The following ZC3H11C variants were observed in gnomAD, a reference collection of about 807,000 sequenced individuals.
The protein encoded by ZC3H11C is zinc finger CCCH domain-containing protein 11C.
the ZC3H11C span, among the ~76,000 whole-genome samples, chr6:65,305,458 G>T: frequency 6.6e-6 from 1 of 152,182 alleles, no homozygotes. Context: ...TCTTTTTAAA[G>T]GTATTTAGAG....
At chr6:65,306,344 G>C in the ZC3H11C span, among the ~76,000 whole-genome samples, 1 of 152,206 alleles carries the variant, frequency 6.6e-6, no homozygotes, top group Admixed American at 6.5e-5. Context: ...GGATGATTCT[G>C]CACAAGCAAA....
chr6:65,305,512 G>GAGC, the ZC3H11C span, among the ~76,000 whole-genome samples: 2 of 152,212 alleles, frequency 1.3e-5, no homozygotes, highest in African/African-American at 2.4e-5. Context: ...CAGGAAGCCT[G>GAGC]TAATGTGGGC....
At chr6:65,305,679 T>C in the ZC3H11C span, among the ~76,000 whole-genome samples, 8 of 152,358 alleles carry the variant, frequency 5.3e-5, no homozygotes, top group South Asian at 1.7e-3. Context: ...CTGGATTCAT[T>C]ATATGAGATG....
chr6:65,305,512 G>A, the ZC3H11C span, among the ~76,000 whole-genome samples: 1 of 152,212 alleles, frequency 6.6e-6, no homozygotes. Flanking sequence ...CAGGAAGCCT[G>A]TAATGTGGGC....
At chr6:65,302,677 T>A in the ZC3H11C span, 1 of 1,402,344 alleles carries the variant, frequency 7.1e-7, no homozygotes, top group East Asian at 2.3e-5. Flanking sequence ...TGTGCAGGTT[T>A]CGGCACATGG....
chr6:65,306,499 C>T, the ZC3H11C span, among the ~76,000 whole-genome samples: 1 of 152,210 alleles, frequency 6.6e-6, no homozygotes, highest in African/African-American at 2.4e-5. Context: ...TTGGAATCAG[C>T]TTACAGATTC....
chr6:65,305,523 A>G, the ZC3H11C span, among the ~76,000 whole-genome samples: 1 of 152,194 alleles, frequency 6.6e-6, no homozygotes, highest in Admixed American at 6.5e-5. Flanking sequence ...TAATGTGGGC[A>G]TAACTCTTTG....
chr6:65,302,466 T>G, the ZC3H11C span: 1 of 638,690 alleles, frequency 1.6e-6, no homozygotes, highest in Non-Finnish European at 2.9e-6. Context: ...GTCCTTGCTT[T>G]GAGGAAGCAG....
At chr6:65,305,554 G>A in the ZC3H11C span, among the ~76,000 whole-genome samples, 656 of 152,242 alleles carry the variant, frequency 4.3e-3, 1 homozygote, top group Non-Finnish European at 8.1e-3. Flanking sequence ...TGATGCTTCT[G>A]CTGCTCTGTT....
the ZC3H11C span, among the ~76,000 whole-genome samples, chr6:65,301,860 T>G: frequency 6.6e-6 from 1 of 152,208 alleles, no homozygotes; most frequent in African/African-American, 2.4e-5. Context: ...TTCTGGACCT[T>G]GAGAAGGAGG....
the ZC3H11C span, among the ~76,000 whole-genome samples, chr6:65,305,285 CAGTTTT>C: frequency 6.6e-6 from 1 of 152,268 alleles, no homozygotes. Flanking sequence ...AGGTGTTTGT[CAGTTTT>C]GGCTTTTTTC....
the ZC3H11C span, among the ~76,000 whole-genome samples, chr6:65,301,622 A>G: frequency 6.6e-6 from 1 of 152,244 alleles, no homozygotes; most frequent in Non-Finnish European, 1.5e-5. Flanking sequence ...CTCAAACTCC[A>G]CATACAGAAA....
the ZC3H11C span, among the ~76,000 whole-genome samples, chr6:65,306,439 CA>C: frequency 1.3e-5 from 2 of 152,082 alleles, no homozygotes; most frequent in Non-Finnish European, 1.5e-5. Context: ...TTCTCCAAAG[CA>C]GGGGTAGAAT....
the ZC3H11C span, chr6:65,303,452 G>A: frequency 6.2e-7 from 1 of 1,612,116 alleles, no homozygotes; most frequent in South Asian, 1.1e-5. Context: ...AGGGAAGAAA[G>A]TTGAAGCTCC....
At chr6:65,302,083 C>G in the ZC3H11C span, among the ~76,000 whole-genome samples, 1 of 152,232 alleles carries the variant, frequency 6.6e-6, no homozygotes, top group South Asian at 2.1e-4. Context: ...TCAAGTTCAT[C>G]TTTAAATGAA....
the ZC3H11C span, among the ~76,000 whole-genome samples, chr6:65,306,319 G>T: frequency 5.3e-5 from 8 of 152,154 alleles, no homozygotes; most frequent in African/African-American, 1.9e-4. Flanking sequence ...TGCCCATTCA[G>T]TCTTGTTAAG....
the ZC3H11C span, among the ~76,000 whole-genome samples, chr6:65,305,211 C>T: frequency 6.6e-6 from 1 of 151,792 alleles, no homozygotes; most frequent in Admixed American, 6.6e-5. Flanking sequence ...ACCCTTCTCT[C>T]CACAAAAAAG....
chr6:65,305,612 A>G, the ZC3H11C span, among the ~76,000 whole-genome samples: 14 of 152,202 alleles, frequency 9.2e-5, no homozygotes, highest in African/African-American at 3.1e-4. Context: ...AATTTTTTAA[A>G]AGGCTTTAAA....
the ZC3H11C span, among the ~76,000 whole-genome samples, chr6:65,305,341 A>G: frequency 6.6e-6 from 1 of 152,126 alleles, no homozygotes; most frequent in Non-Finnish European, 1.5e-5. Context: ...TGATGTACTT[A>G]ATATTACCTG....
Sources: allele counts gnomAD v4.1 joint callset (sites outside exome capture counted in the v4.1 genomes callset), GRCh38; gene constraint gnomAD v4.1.1; transcripts MANE v1.5; gene names NCBI Gene and HGNC (gene_info 2026-07-23, HGNC 2026-07-21).